The following TANC1 variants were observed in gnomAD, a reference collection of about 807,000 sequenced individuals.
TANC1 encodes protein TANC1.
A neutral mutation model predicts 149.7 loss-of-function variants in TANC1; 77 were observed. The observed-to-expected ratio is 0.51, with a 90% CI of 0.43 to 0.62. The LOEUF (loss-of-function observed/expected upper bound fraction) is 0.62. TANC1 is among the 20% of genes least tolerant of loss of function. The probability of loss-of-function intolerance (pLI) is 0.00; values close to 1 mark genes in which losing one functional copy is unlikely to be tolerated. For missense variants in TANC1, 1,985 were observed against 2,321.8 expected, an observed-to-expected ratio of 0.85 and a Z score of 2.98; for synonymous variants, 854 against 925.0, an observed-to-expected ratio of 0.92 and a Z score of 1.39.
At chr2:159,010,525 G>A (rs1467975615) in intron 2 of TANC1, among the ~76,000 whole-genome samples, 4 of 152,114 alleles carry the variant, frequency 2.6e-5, no homozygotes, top group East Asian at 1.9e-4. Flanking sequence ...CCGTGGGTGC[G>A]TCGGGGGAGG....
chr2:159,170,199 A>G (rs745837751), intron 9 of TANC1, among the ~76,000 whole-genome samples: 13 of 152,144 alleles, frequency 8.5e-5, no homozygotes, highest in Non-Finnish European at 1.6e-4. Flanking sequence ...AGATGAACCA[A>G]TGAGACATGA....
chr2:159,119,319 C>A (rs570393908), intron 4 of TANC1, among the ~76,000 whole-genome samples: 4 of 152,318 alleles, frequency 2.6e-5, no homozygotes, highest in Admixed American at 2.0e-4. Context: ...CCATTGTTTA[C>A]ACCCACTCTT....
chr2:159,035,650 G>A (rs1477888409), intron 2 of TANC1, among the ~76,000 whole-genome samples: 2 of 152,082 alleles, frequency 1.3e-5, no homozygotes, highest in East Asian at 3.9e-4. Context: ...ACTAAAGAAG[G>A]CCCTTAAAAC....
At chr2:159,209,975 GAAGTAAATTGCACATGTGAATACAAGC>G (rs913458125) in intron 19 of TANC1, among the ~76,000 whole-genome samples, 7 of 152,152 alleles carry the variant, frequency 4.6e-5, no homozygotes, top group Non-Finnish European at 8.8e-5. Context: ...AGGATAATAG[GAAGTAAATTGCACATGTGAATACAAGC>G]AAGTAAATTG....
chr2:159,075,676 A>AT (rs1204716641), intron 3 of TANC1, among the ~76,000 whole-genome samples: 4 of 152,164 alleles, frequency 2.6e-5, no homozygotes, highest in African/African-American at 4.8e-5. Flanking sequence ...ATACAATGTC[A>AT]TTTTTTTGTA....
At chr2:159,074,695 A>G (rs796640064) in intron 3 of TANC1, among the ~76,000 whole-genome samples, 2 of 152,150 alleles carry the variant, frequency 1.3e-5, no homozygotes, top group African/African-American at 4.8e-5. Flanking sequence ...TTGATTTTTG[A>G]TAGTACATCT....
At chr2:158,975,314 G>A (rs2033513569) in intron 1 of TANC1, among the ~76,000 whole-genome samples, 1 of 152,046 alleles carries the variant, frequency 6.6e-6, no homozygotes, top group Admixed American at 6.5e-5. Context: ...GGGTGACTGT[G>A]CTTACTACTA....
Position 158,977,610 on chromosome 2 carries a change from T to C in TANC1, c.-126+8828T>C, listed in dbSNP as rs568675511. Among the ~76,000 whole-genome samples, 14 of 148,496 alleles carry C rather than the reference T, an allele frequency of 9.4e-5. No homozygotes were observed. In the East Asian group the frequency reaches 2.5e-3, roughly 27 times the overall value. ...ACAGGCATGAGCCACCGTGCCTGGCTAATTTTTTTTTTTTTTTTTAACTGA... is the reference window on the plus strand; with the variant it reads ...ACAGGCATGAGCCACCGTGCCTGGCCAATTTTTTTTTTTTTTTTTAACTGA... On this transcript the variant is annotated intron_variant, in intron 1 of 26. Transcript: ENST00000263635.
intron 9 of TANC1, among the ~76,000 whole-genome samples, chr2:159,169,804 C>A (rs901024972): frequency 6.6e-6 from 1 of 151,990 alleles, no homozygotes. Context: ...ACCAGCCTGG[C>A]CAATGTGGTG....
rs2057699932 is a variant in TANC1, at chr2:159,194,413, A to C, written c.2899A>C (p.Asn967His). 6.2e-7 allele frequency: 1 copy of C among 1,614,142 alleles called. No individual in the cohort carries two copies. The highest frequency in any genetic ancestry group is 1.1e-5 in the South Asian group (1 of 91,082). ...FGACLDGTSE[N>H]GMTALCYAAA... The stretch of plus-strand genomic sequence containing the variant: ...TGCCTGCCTGGACGGAACGTCAGAG[A>C]ACGGCATGACTGCCCTCTGTTACGC... The change falls in exon 17 of 27, where the codon AAC (asparagine) becomes CAC (histidine). Residue 967 changes from asparagine to histidine, a missense_variant. Physicochemically the swap from Asn to His is moderately conservative, Grantham distance 68. Around this residue, in one of 3 missense-constraint regions of TANC1, gnomAD observed 508 missense variants for 714.2 expected, o/e 0.71. Transcript: ENST00000263635.
chr2:159,209,520 C>T (rs1010206567), intron 19 of TANC1, among the ~76,000 whole-genome samples: 1 of 152,160 alleles, frequency 6.6e-6, no homozygotes, highest in Non-Finnish European at 1.5e-5. Context: ...TTGCTGCTTT[C>T]AGCCAGGGAA....
At chr2:159,069,053 A>G (rs1355640890) in intron 3 of TANC1, among the ~76,000 whole-genome samples, 1 of 152,208 alleles carries the variant, frequency 6.6e-6, no homozygotes, top group African/African-American at 2.4e-5. Context: ...TATTTGCAAT[A>G]TTATGTACAG....
At chr2:159,040,326 T>G (rs546942050) in intron 2 of TANC1, among the ~76,000 whole-genome samples, 1 of 152,302 alleles carries the variant, frequency 6.6e-6, no homozygotes, top group African/African-American at 2.4e-5. Context: ...GTTGGGGAAG[T>G]TCTCCTGGAT....
chr2:159,045,151 A>G (rs191267089), intron 2 of TANC1, among the ~76,000 whole-genome samples: 3 of 152,336 alleles, frequency 2.0e-5, no homozygotes, highest in African/African-American at 7.2e-5. Context: ...GATAGTGTAT[A>G]TCATGAAGTA....
chr2:159,000,696 G>A (rs2036546494), intron 1 of TANC1, among the ~76,000 whole-genome samples: 1 of 152,106 alleles, frequency 6.6e-6, no homozygotes, highest in Admixed American at 6.6e-5. Context: ...AGGGACATCC[G>A]AGAGCAAGGA....
At chr2:159,053,882 G>C (rs1232963504) in intron 2 of TANC1, among the ~76,000 whole-genome samples, 1 of 152,182 alleles carries the variant, frequency 6.6e-6, no homozygotes, top group East Asian at 1.9e-4. Context: ...CATGTGTTCT[G>C]TTGCATGGTG....
chr2:159,228,604 T>G, intron 25 of TANC1, 192 bp from the exon 26 acceptor site: 2 of 558,700 alleles, frequency 3.6e-6, no homozygotes, highest in Non-Finnish European at 3.2e-6. Flanking sequence ...TCATAGTGGA[T>G]TCTTCTCCTA....
chr2:159,146,515 TG>T (rs1462359038), intron 5 of TANC1, among the ~76,000 whole-genome samples: 1 of 149,854 alleles, frequency 6.7e-6, no homozygotes, highest in African/African-American at 2.5e-5. Context: ...CAGTTGATCA[TG>T]AATTTGGGTG....
intron 2 of TANC1, among the ~76,000 whole-genome samples, chr2:159,039,703 ATG>A (rs2040478921): frequency 2.0e-5 from 3 of 152,136 alleles, no homozygotes; most frequent in Non-Finnish European, 4.4e-5. Flanking sequence ...TGATTGCACT[ATG>A]GTCTGAGAGA....
Sources: gnomAD v4.1 joint callset for allele counts (sites outside exome capture counted in the v4.1 genomes callset) on GRCh38, gnomAD v4.1.1 for gene constraint, gnomAD v4.1.1 regional missense constraint, MANE v1.5 for transcripts, NCBI Gene and HGNC (gene_info 2026-07-23, HGNC 2026-07-21) for gene names.